ATG4D: variants seen among roughly 807,000 people sequenced by gnomAD.
ATG4D encodes the protein cysteine protease ATG4D.
In ATG4D, 51 loss-of-function variants were observed where a neutral mutation model predicts 55.2. The observed-to-expected ratio is 0.92, with a 90% CI of 0.74 to 1.17. ATG4D has a LOEUF of 1.17. Among genes scored for constraint, ATG4D ranks in the 50% most tolerant of loss-of-function variants. The pLI is 0.00. For missense variants in ATG4D, 635 were observed against 649.6 expected (o/e 0.98, Z 0.25); for synonymous variants, 268 against 266.2 (o/e 1.01, Z -0.07).
rs746070150 is a variant in ATG4D at position 10,544,724 on chromosome 19, C to G, written c.236-59C>G. The G allele has an allele frequency of 9.5e-5, 152 of 1,603,830 alleles. 1 individual carries two copies. Among genetic ancestry groups the G allele is most frequent in the Admixed American group, 3.4e-5 (2 of 58,150 alleles). On this transcript the variant is annotated intron_variant, in intron 1 of 9. Coordinates refer to ENST00000309469, the MANE Select transcript of ATG4D (RefSeq NM_032885.6). Reference sequence around the variant, plus strand: ...CATTTCACAGATGGGGGAATGGAAGCGCTGTTGCTGTCATGCAAGTGCTTC... The same window carrying G: ...CATTTCACAGATGGGGGAATGGAAGGGCTGTTGCTGTCATGCAAGTGCTTC...
chr19:10,545,747 G>T (rs1916012188), intron 3 of ATG4D, among the ~76,000 whole-genome samples: 1 of 151,608 alleles, frequency 6.6e-6, no homozygotes, highest in African/African-American at 2.4e-5. Flanking sequence ...GTGGTGGCAG[G>T]CACCTGTAAT....
rs891178440 is a variant in ATG4D, at chr19:10,553,304, C to G, written c.*237C>G. 13 of 520,616 alleles carry G rather than the reference C, an allele frequency of 2.5e-5. No individual in the cohort carries two copies. The highest frequency in any genetic ancestry group is 5.3e-4 in the Middle Eastern group (1 of 1,896). 32.2% of individuals were successfully genotyped at this position (520,616 alleles called of 1,614,324 possible). A position where few individuals can be genotyped will look rare whatever the true frequency, so the allele number is the denominator to read the frequency against. On this transcript the variant is annotated 3_prime_UTR_variant, in exon 10 of 10. Coordinates refer to ENST00000309469, the MANE Select transcript of ATG4D (RefSeq NM_032885.6). ...AGGGAAGGAGGACCCCGGGCACCCC[C>G]CTCAGGGCCTGACTCACGTACTGTA...
intron 5 of ATG4D, among the ~76,000 whole-genome samples, chr19:10,548,263 G>A (rs2144689742): frequency 6.8e-6 from 1 of 148,090 alleles, no homozygotes; most frequent in Non-Finnish European, 1.5e-5. Flanking sequence ...TCGATCTCCT[G>A]ACCTCATGAT....
At chr19:10,544,413 C>T in intron 1 of ATG4D, 88 bp downstream of exon 1, 1 of 1,193,658 alleles carries the variant, frequency 8.4e-7, no homozygotes, top group South Asian at 3.5e-5. Context: ...CACCCTTGTT[C>T]CCGTCCTGAG....
At chr19:10,545,355 T>C (rs888745010) in intron 3 of ATG4D, among the ~76,000 whole-genome samples, 3 of 150,260 alleles carry the variant, frequency 2.0e-5, no homozygotes, top group Admixed American at 1.3e-4. Flanking sequence ...ATGGATCCCT[T>C]GCGGTCAGGA....
At chr19:10,546,632 G>A (rs1416560165) in intron 3 of ATG4D, among the ~76,000 whole-genome samples, 2 of 152,006 alleles carry the variant, frequency 1.3e-5, no homozygotes, top group African/African-American at 4.8e-5. Flanking sequence ...GAGATTACAG[G>A]CATGAGCCAC....
At chr19:10,550,122 C>T (rs1916175423) in intron 6 of ATG4D, among the ~76,000 whole-genome samples, 1 of 152,050 alleles carries the variant, frequency 6.6e-6, no homozygotes, top group South Asian at 2.1e-4. Context: ...AATTTCCTGC[C>T]TCAGCCACCC....
rs746758927 is a variant in ATG4D, at chr19:10,544,751, T to C, written c.236-32T>C. On this transcript the variant is annotated intron_variant, in intron 1 of 9. Transcript: ENST00000309469. Reference sequence around the variant, plus strand: ...CTGTTGCTGTCATGCAAGTGCTTCATCTCGCTGGGCGCTGCCCCTACGTCT... The same window carrying C: ...CTGTTGCTGTCATGCAAGTGCTTCACCTCGCTGGGCGCTGCCCCTACGTCT... 6 of 1,611,996 alleles carry C rather than the reference T, an allele frequency of 3.7e-6. No individual in the cohort carries two copies. The East Asian group carries it at 8.9e-5, about 24-fold the overall frequency.
At position 10,544,037 on chromosome 19, in the gene ATG4D, G is replaced by A. The variant is rs973863660; in HGVS notation, c.-54G>A. 8.4e-6 allele frequency: 10 copies of A among 1,185,290 alleles called. No homozygotes were observed. Among genetic ancestry groups the A allele is most frequent in the Admixed American group, 4.3e-5 (1 of 23,250 alleles). The allele number at this position is 1,185,290 out of a possible 1,614,324, so 73.4% of individuals were successfully genotyped here. A position where few individuals can be genotyped will look rare whatever the true frequency, so the allele number is the denominator to read the frequency against. On this transcript the variant is annotated 5_prime_UTR_variant, in exon 1 of 10. Coordinates refer to ENST00000309469, the MANE Select transcript of ATG4D (RefSeq NM_032885.6). ...AACCGGCTGCGGGTCGCCCTTGGGG[G>A]GCAGCGGCCGCAGCCCCCCACCTGG...
At chr19:10,546,522 A>T (rs968135002) in intron 3 of ATG4D, among the ~76,000 whole-genome samples, 2 of 142,954 alleles carry the variant, frequency 1.4e-5, no homozygotes, top group Non-Finnish European at 3.1e-5. Context: ...CTTTTTGTAT[A>T]TTTTTTTTTT....
Position 10,551,889 on chromosome 19 carries a change from C to T in ATG4D, c.967-8C>T. ...CCTGACAGCACCTGCCTACCCTCCT[C>T]CCTGCAGGAACTCCTGCGTTGCGAG... On this transcript the variant is annotated splice_region_variant and splice_polypyrimidine_tract_variant and intron_variant, in intron 6 of 9. Coordinates refer to ENST00000309469, the MANE Select transcript of ATG4D (RefSeq NM_032885.6). 2 of 1,613,762 alleles carry T rather than the reference C, an allele frequency of 1.2e-6. No homozygotes were observed. Among genetic ancestry groups the T allele is most frequent in the Middle Eastern group, 1.7e-4 (1 of 5,976 alleles).
rs748708686 is a variant in ATG4D at position 10,544,872 on chromosome 19, C to G, written c.319+6C>G. 1 of 1,606,938 alleles carries G rather than the reference C, an allele frequency of 6.2e-7. No individual in the cohort carries two copies. The highest frequency in any genetic ancestry group is 1.1e-5 in the South Asian group (1 of 90,084). On this transcript the variant is annotated splice_donor_region_variant and intron_variant, in intron 2 of 9. Transcript: ENST00000309469. ...CTACCGTTTCGAGGGCGAGGGTGAG[C>G]TGGTGGTTGGGACCAGGGCTGGGGG...
At chr19:10,547,470 A>C (rs1223504390) in intron 5 of ATG4D, among the ~76,000 whole-genome samples, 2 of 151,910 alleles carry the variant, frequency 1.3e-5, no homozygotes, top group Non-Finnish European at 2.9e-5. Flanking sequence ...GAGTGATAGA[A>C]TAGAGACATA....
intron 1 of ATG4D, chr19:10,544,559 C>T (rs1053928301): frequency 9.6e-7 from 1 of 1,037,130 alleles, no homozygotes. Context: ...TTTTGCCCCT[C>T]TCTGTAAAAT....
chr19:10,549,440 CAG>C (rs1916153419), intron 6 of ATG4D, among the ~76,000 whole-genome samples: 1 of 147,180 alleles, frequency 6.8e-6, no homozygotes, highest in African/African-American at 2.5e-5. Flanking sequence ...TTTTTTGAGA[CAG>C]AGTCTTGCTC....
chr19:10,544,257 C>G lies in ATG4D; in HGVS notation c.167C>G (p.Pro56Arg). ...GPALGSPGAG[P>R]SEPDEVDKFK... is the part of the protein sequence containing the mutation. Reference sequence around the variant, plus strand: ...GCTCTTGGCTCTCCCGGGGCTGGCCCGAGTGAGCCGGACGAAGTGGACAAG... The same window carrying G: ...GCTCTTGGCTCTCCCGGGGCTGGCCGGAGTGAGCCGGACGAAGTGGACAAG... The change falls in exon 1 of 10, where the codon CCG becomes CGG. Residue 56 changes from proline to arginine, a missense_variant. Transcript: ENST00000309469. The G allele has an allele frequency of 7.9e-7, 1 of 1,267,220 alleles. No homozygotes were observed. The highest frequency in any genetic ancestry group is 1.0e-6 in the Non-Finnish European group (1 of 998,370). The allele number at this position is 1,267,220 out of a possible 1,614,324, so 78.5% of individuals were successfully genotyped here.
At chr19:10,545,397 C>A (rs553606564) in intron 3 of ATG4D, among the ~76,000 whole-genome samples, 2 of 151,058 alleles carry the variant, frequency 1.3e-5, no homozygotes, top group Admixed American at 1.3e-4. Flanking sequence ...TATGATGAAA[C>A]CCCATCTCTA....
intron 3 of ATG4D, among the ~76,000 whole-genome samples, chr19:10,545,583 TAAA>T (rs917200347): frequency 2.3e-5 from 3 of 129,628 alleles, no homozygotes; most frequent in African/African-American, 6.0e-5. Flanking sequence ...AAAATAAAAA[TAAA>T]AAAAAGTTTC....
intron 3 of ATG4D, among the ~76,000 whole-genome samples, chr19:10,545,452 A>G (rs1916003650): frequency 6.6e-6 from 1 of 151,824 alleles, no homozygotes; most frequent in Admixed American, 6.6e-5. Context: ...CACGCCTGTA[A>G]TCCCAGCTAC....
Sources: allele counts gnomAD v4.1 joint callset (sites outside exome capture counted in the v4.1 genomes callset), GRCh38; gene constraint gnomAD v4.1.1; transcripts MANE v1.5; gene names NCBI Gene and HGNC (gene_info 2026-07-23, HGNC 2026-07-21).